The following LRP1B variants were observed in gnomAD, a reference collection of about 807,000 sequenced individuals.
The protein encoded by LRP1B is low-density lipoprotein receptor-related protein 1B.
In LRP1B, 217 loss-of-function variants were observed where a neutral mutation model predicts 556.6. The ratio of observed to expected loss-of-function variants is 0.39; its 90% CI spans 0.35 to 0.44. The LOEUF (loss-of-function observed/expected upper bound fraction) is 0.44. LRP1B is among the 20% of genes least tolerant of loss of function. LRP1B has a pLI of 1.00. For missense variants in LRP1B, 5,053 were observed against 5,620.8 expected (o/e 0.90, Z 3.23); for synonymous variants, 2,047 against 1,865.8 (o/e 1.10, Z -2.50).
At chr2:140,290,468 A>G (rs528647554) in intron 84 of LRP1B, among the ~76,000 whole-genome samples, 13 of 152,218 alleles carry the variant, frequency 8.5e-5, no homozygotes, top group African/African-American at 3.1e-4. Flanking sequence ...CAGGGCTCCA[A>G]AATGCTGTGC....
At chr2:140,462,701 G>A (rs918194617) in intron 60 of LRP1B, among the ~76,000 whole-genome samples, 33 of 152,274 alleles carry the variant, frequency 2.2e-4, no homozygotes, top group African/African-American at 7.9e-4. Context: ...CAGGAAGAGG[G>A]CAAAGAGGCA....
chr2:140,783,487 TA>T lies in LRP1B; in HGVS notation c.5360-7250del, dbSNP rs1341987057. 4.0e-5 allele frequency among the ~76,000 whole-genome samples: 6 copies of T among 150,052 alleles called. No individual in the cohort carries two copies. In the East Asian group the frequency reaches 7.9e-4, roughly 20 times the overall value. ...CAAACCAAAATTTATAAGAAAACAA[TA>T]AAAAATTCATAAGGCTACACAGATG... On this transcript the variant is annotated intron_variant, in intron 32 of 90. Transcript: ENST00000389484.
At chr2:140,310,481 T>C (rs186620026) in intron 83 of LRP1B, among the ~76,000 whole-genome samples, 1 of 148,806 alleles carries the variant, frequency 6.7e-6, no homozygotes, top group African/African-American at 2.4e-5. Flanking sequence ...GGCATTACAT[T>C]ACCTGACTTC....
chr2:140,460,396 G>A (rs1687268682), intron 60 of LRP1B, among the ~76,000 whole-genome samples: 1 of 152,160 alleles, frequency 6.6e-6, no homozygotes, highest in Non-Finnish European at 1.5e-5. Context: ...AAATCACCAT[G>A]AAATGTGAAG....
rs139328611 is a variant in LRP1B at position 140,432,533 on chromosome 2, T to G, written c.10414+9971A>C. ...CAGTTATTACTGCTCAGAGTCTGTT[T>G]GTATCAAGAATCTTGTGTTTTGGAG... On this transcript the variant is annotated intron_variant, in intron 66 of 90. Transcript: ENST00000389484. 2.0e-3 allele frequency among the ~76,000 whole-genome samples: 300 copies of G among 152,324 alleles called. 2 individuals carry two copies. Among genetic ancestry groups the G allele is most frequent in the Admixed American group, 4.1e-3 (62 of 15,298 alleles).
chr2:141,191,584 A>G (rs150884368), intron 6 of LRP1B, among the ~76,000 whole-genome samples: 29 of 151,942 alleles, frequency 1.9e-4, no homozygotes, highest in Non-Finnish European at 3.8e-4. Flanking sequence ...AATTAATTGG[A>G]TAGAGATTTT....
rs575845937 is a variant in LRP1B at position 140,927,620 on chromosome 2, T to C, written c.3137-4473A>G. Among the ~76,000 whole-genome samples, 9 of 152,028 alleles carry C rather than the reference T, an allele frequency of 5.9e-5. No individual in the cohort carries two copies. In the South Asian group the frequency reaches 1.9e-3, roughly 32 times the overall value. On this transcript the variant is annotated intron_variant, in intron 20 of 90. Coordinates refer to ENST00000389484, the MANE Select transcript of LRP1B (RefSeq NM_018557.3). Reference sequence around the variant, plus strand: ...ATAAAATTTATCATTTATTTTATGCTATTATAAGATCATGATAAAATTTGT... The same window carrying C: ...ATAAAATTTATCATTTATTTTATGCCATTATAAGATCATGATAAAATTTGT...
chr2:141,477,644 A>G lies in LRP1B; in HGVS notation c.343+2752T>C, dbSNP rs140336046. On this transcript the variant is annotated intron_variant, in intron 3 of 90. Coordinates refer to ENST00000389484, the MANE Select transcript of LRP1B (RefSeq NM_018557.3). Reference sequence around the variant, plus strand: ...GGAAACTTTACAAGACCAAGCAGGTAAACTCATTTCTGAGTTTATTTTCTC... The same window carrying G: ...GGAAACTTTACAAGACCAAGCAGGTGAACTCATTTCTGAGTTTATTTTCTC... 5.0e-3 allele frequency among the ~76,000 whole-genome samples: 761 copies of G among 152,326 alleles called. 4 individuals are homozygous for G. Among genetic ancestry groups the G allele is most frequent in the Non-Finnish European group, 8.4e-3 (570 of 68,028 alleles).
At chr2:140,583,988 T>C (rs1274660933) in intron 43 of LRP1B, among the ~76,000 whole-genome samples, 4 of 152,186 alleles carry the variant, frequency 2.6e-5, no homozygotes, top group South Asian at 2.1e-4. Flanking sequence ...AGTCATACAA[T>C]ACCTGAGTTT....
rs563878170 is a variant in LRP1B at position 141,264,978 on chromosome 2, G to C, written c.344-10337C>G. Among the ~76,000 whole-genome samples, 4 of 152,270 alleles carry C rather than the reference G, an allele frequency of 2.6e-5. No homozygotes were observed. In the East Asian group the frequency reaches 7.7e-4, roughly 29 times the overall value. On this transcript the variant is annotated intron_variant, in intron 3 of 90. Transcript: ENST00000389484. ...AGATATCACTGGACCTGAACCTAGA[G>C]CAAGCCTAGGACAGGGCACTGGATA...
At chr2:140,335,333 C>T (rs1445805031) in intron 78 of LRP1B, among the ~76,000 whole-genome samples, 1 of 151,774 alleles carries the variant, frequency 6.6e-6, no homozygotes, top group Admixed American at 6.6e-5. Flanking sequence ...TCACACCAGG[C>T]TCATTATTCT....
chr2:141,263,387 T>C (rs906224260), intron 3 of LRP1B, among the ~76,000 whole-genome samples: 1 of 152,070 alleles, frequency 6.6e-6, no homozygotes, highest in African/African-American at 2.4e-5. Context: ...TGAACAACTC[T>C]AGGCCCATAT....
At chr2:140,679,293 T>G (rs1685781260) in intron 41 of LRP1B, among the ~76,000 whole-genome samples, 1 of 152,206 alleles carries the variant, frequency 6.6e-6, no homozygotes, top group Non-Finnish European at 1.5e-5. Flanking sequence ...GAACTAGAAC[T>G]TCAATATATC....
At position 140,679,505 on chromosome 2, in the gene LRP1B, T is replaced by G. The variant is rs938876538; in HGVS notation, c.6799+20745A>C. 2.0e-5 allele frequency among the ~76,000 whole-genome samples: 3 copies of G among 152,180 alleles called. No homozygotes were observed. The East Asian group carries it at 5.8e-4, about 29-fold the overall frequency. On this transcript the variant is annotated intron_variant, in intron 41 of 90. Coordinates refer to ENST00000389484, the MANE Select transcript of LRP1B (RefSeq NM_018557.3). Reference sequence around the variant, plus strand: ...AATGATGTACATTTAAATACTAATATTCATTGTTTTTTACCAGTACGTAGC... The same window carrying G: ...AATGATGTACATTTAAATACTAATAGTCATTGTTTTTTACCAGTACGTAGC...
intron 7 of LRP1B, among the ~76,000 whole-genome samples, chr2:141,084,287 G>C (rs1369598701): frequency 2.0e-5 from 3 of 152,142 alleles, no homozygotes. Context: ...TTTTGATACA[G>C]AATTGGTTAG....
rs180863409 is a variant in LRP1B, at chr2:140,617,958, T to C, written c.6800-16319A>G. On this transcript the variant is annotated intron_variant, in intron 41 of 90. Transcript: ENST00000389484. Reference sequence around the variant, plus strand: ...GGAAATCCTGTGAACTAAGTTCTGATTGCTGTCTTTTAACCTTTTTAAAAC... The same window carrying C: ...GGAAATCCTGTGAACTAAGTTCTGACTGCTGTCTTTTAACCTTTTTAAAAC... 7.2e-5 allele frequency among the ~76,000 whole-genome samples: 11 copies of C among 152,186 alleles called. No homozygotes were observed. In the East Asian group the frequency reaches 1.5e-3, roughly 21 times the overall value.
At chr2:140,935,678 G>A (rs1695182280) in intron 20 of LRP1B, among the ~76,000 whole-genome samples, 1 of 149,164 alleles carries the variant, frequency 6.7e-6, no homozygotes, top group Non-Finnish European at 1.5e-5. Flanking sequence ...TCCCCAAGTG[G>A]GATAAATTCA....
At chr2:140,634,228 T>C (rs1476447091) in intron 41 of LRP1B, among the ~76,000 whole-genome samples, 1 of 152,104 alleles carries the variant, frequency 6.6e-6, no homozygotes, top group Non-Finnish European at 1.5e-5. Context: ...GAGAAAACAT[T>C]TGATAAAATC....
chr2:140,630,086 T>C (rs946466429), intron 41 of LRP1B, among the ~76,000 whole-genome samples: 1 of 152,204 alleles, frequency 6.6e-6, no homozygotes, highest in Non-Finnish European at 1.5e-5. Context: ...GTGGTTCTTA[T>C]AGCGTGGTTG....
Sources: gnomAD v4.1 joint callset for allele counts (sites outside exome capture counted in the v4.1 genomes callset) on GRCh38, gnomAD v4.1.1 for gene constraint, MANE v1.5 for transcripts, NCBI Gene and HGNC (gene_info 2026-07-23, HGNC 2026-07-21) for gene names.